TMEM132D: variants seen among roughly 807,000 people sequenced by gnomAD.
The protein encoded by TMEM132D is mature OL transmembrane protein.
In TMEM132D, 21 loss-of-function variants were observed where a neutral mutation model predicts 62.3. That is an observed-to-expected ratio of 0.34 (90% CI 0.24 to 0.49). The LOEUF is 0.49. Among genes scored for constraint, TMEM132D ranks in the 20% least tolerant of loss-of-function variants. The pLI is 0.99. For missense variants in TMEM132D, 1,346 were observed against 1,402.8 expected (o/e 0.96, Z 0.65); for synonymous variants, 621 against 575.6 (o/e 1.08, Z -1.13).
At chr12:129,714,917 G>T (rs570996916) in intron 1 of TMEM132D, among the ~76,000 whole-genome samples, 2 of 152,112 alleles carry the variant, frequency 1.3e-5, no homozygotes, top group Admixed American at 6.6e-5. Flanking sequence ...GACACAGAGC[G>T]CTGACTTTAT....
chr12:129,828,742 G>GGGAGGGAGGGAGGAAA, intron 1 of TMEM132D, among the ~76,000 whole-genome samples: 1 of 54,120 alleles, frequency 1.8e-5, no homozygotes, highest in Non-Finnish European at 3.8e-5. Context: ...GAGGAAAGGA[G>GGGAGGGAGGGAGGAAA]GGAGGGAGGG....
intron 3 of TMEM132D, among the ~76,000 whole-genome samples, chr12:129,461,342 G>A (rs1184452995): frequency 6.6e-6 from 1 of 152,156 alleles, no homozygotes; most frequent in African/African-American, 2.4e-5. Flanking sequence ...CTCAGGGGAT[G>A]CAGATGGCAA....
intron 1 of TMEM132D, among the ~76,000 whole-genome samples, chr12:129,846,585 T>C (rs2137348913): frequency 6.6e-6 from 1 of 152,302 alleles, no homozygotes; most frequent in South Asian, 2.1e-4. Flanking sequence ...AGGTGTGATT[T>C]CCTTTACGGC....
intron 3 of TMEM132D, among the ~76,000 whole-genome samples, chr12:129,377,780 C>G (rs1344577346): frequency 6.6e-6 from 1 of 152,144 alleles, no homozygotes; most frequent in Non-Finnish European, 1.5e-5. Flanking sequence ...CTGTGCAGAC[C>G]CACATGCTGT....
intron 4 of TMEM132D, among the ~76,000 whole-genome samples, chr12:129,315,649 C>A (rs140896774): frequency 0.011 from 1,708 of 152,216 alleles, 35 homozygotes; most frequent in African/African-American, 0.039. Flanking sequence ...TAGGGTGATG[C>A]TGGCTACATA....
At chr12:129,771,071 G>A (rs1486992545) in intron 1 of TMEM132D, among the ~76,000 whole-genome samples, 1 of 152,172 alleles carries the variant, frequency 6.6e-6, no homozygotes, top group Non-Finnish European at 1.5e-5. Flanking sequence ...GCAGAACAGA[G>A]GGTGCAGCCC....
Position 129,799,089 on chromosome 12 carries a change from A to AC in TMEM132D, c.80-98392dup, listed in dbSNP as rs546517484. Among the ~76,000 whole-genome samples the AC allele has an allele frequency of 7.1e-3, 1,086 of 152,102 alleles. 17 individuals are homozygous for AC. Among genetic ancestry groups the AC allele is most frequent in the African/African-American group, 0.025 (1,047 of 41,500 alleles). ...GACCAATCCTGTCCAACACAGTGAA[A>AC]CCCCGTCTCTACTAAATATACAAAA... On this transcript the variant is annotated intron_variant, in intron 1 of 8. Transcript: ENST00000422113.
At chr12:129,864,132 G>A (rs1350283434) in intron 1 of TMEM132D, among the ~76,000 whole-genome samples, 1 of 152,200 alleles carries the variant, frequency 6.6e-6, no homozygotes, top group East Asian at 1.9e-4. Flanking sequence ...GGGGAAGCCA[G>A]CGCCATCTTG....
intron 1 of TMEM132D, among the ~76,000 whole-genome samples, chr12:129,787,192 A>G (rs1214048752): frequency 6.6e-6 from 1 of 152,172 alleles, no homozygotes; most frequent in Non-Finnish European, 1.5e-5. Flanking sequence ...TCCTTCATTT[A>G]TTCTGTTTTG....
intron 3 of TMEM132D, among the ~76,000 whole-genome samples, chr12:129,358,183 G>C (rs563604907): frequency 6.6e-6 from 1 of 152,264 alleles, no homozygotes; most frequent in African/African-American, 2.4e-5. Context: ...AACTGGAAAG[G>C]TTGTAGCTTG....
At position 129,153,496 on chromosome 12, in the gene TMEM132D, G is replaced by A. The variant is rs1248791660; in HGVS notation, c.1443+56024C>T. 2.6e-5 allele frequency among the ~76,000 whole-genome samples: 4 copies of A among 152,122 alleles called. 1 individual carries two copies. The highest frequency in any genetic ancestry group is 7.2e-5 in the African/African-American group (3 of 41,428). On this transcript the variant is annotated intron_variant, in intron 5 of 8. Coordinates refer to ENST00000422113, the MANE Select transcript of TMEM132D (RefSeq NM_133448.3). ...ATGTCAGAACACTCCAGGCTGTGCC[G>A]TGAAGAATGGAAGGAGAGCAGTACA... is the stretch of plus-strand genomic sequence containing the variant.
At position 129,084,762 on chromosome 12, in the gene TMEM132D, C is replaced by T. The variant is rs764778228; in HGVS notation, c.1444-60G>A. 29 of 1,546,328 alleles carry T rather than the reference C, an allele frequency of 1.9e-5. No homozygotes were observed. The African/African-American group carries it at 3.4e-4, about 18-fold the overall frequency. On this transcript the variant is annotated intron_variant, in intron 5 of 8. Coordinates refer to ENST00000422113, the MANE Select transcript of TMEM132D (RefSeq NM_133448.3). ...GGTGAGCTTTCATCCCGTTGCATGG[C>T]CCAAGGAGGAGGAAAGGGAAGTGCC...
intron 1 of TMEM132D, among the ~76,000 whole-genome samples, chr12:129,798,074 C>T (rs537989994): frequency 3.3e-5 from 5 of 152,122 alleles, no homozygotes; most frequent in Admixed American, 3.3e-4. Context: ...CTCTCTCTCT[C>T]GATTGCACTC....
chr12:129,403,978 A>C (rs1301788030), intron 3 of TMEM132D, among the ~76,000 whole-genome samples: 1 of 152,124 alleles, frequency 6.6e-6, no homozygotes, highest in Admixed American at 6.6e-5. Context: ...GCCCGTGTGC[A>C]TGGAGAGAAA....
chr12:129,298,949 G>A (rs1330763024), intron 4 of TMEM132D, among the ~76,000 whole-genome samples: 1 of 152,214 alleles, frequency 6.6e-6, no homozygotes, highest in Admixed American at 6.5e-5. Flanking sequence ...TCACTGGCAA[G>A]GGCTTTTGCC....
intron 1 of TMEM132D, among the ~76,000 whole-genome samples, chr12:129,849,893 A>ACC: frequency 6.6e-6 from 1 of 152,310 alleles, no homozygotes; most frequent in Admixed American, 6.5e-5. Context: ...CCCTGAATAT[A>ACC]CCCAGGGGCT....
chr12:129,150,880 G>A (rs1877050771), intron 5 of TMEM132D, among the ~76,000 whole-genome samples: 1 of 152,306 alleles, frequency 6.6e-6, no homozygotes, highest in Admixed American at 6.5e-5. Flanking sequence ...GGGGTCCCTG[G>A]GCTCACCCTG....
chr12:129,138,584 G>T (rs1876651510), intron 5 of TMEM132D, among the ~76,000 whole-genome samples: 1 of 152,092 alleles, frequency 6.6e-6, no homozygotes, highest in Non-Finnish European at 1.5e-5. Context: ...AGCCGGGTGT[G>T]GTGGCAGGCA....
intron 5 of TMEM132D, among the ~76,000 whole-genome samples, chr12:129,188,186 G>A (rs1410038801): frequency 6.6e-6 from 1 of 152,162 alleles, no homozygotes; most frequent in Non-Finnish European, 1.5e-5. Flanking sequence ...ACTTGTGTCA[G>A]CCCTGAGACA....
Sources: gnomAD v4.1 joint callset for allele counts (sites outside exome capture counted in the v4.1 genomes callset) on GRCh38, gnomAD v4.1.1 for gene constraint, MANE v1.5 for transcripts, NCBI Gene and HGNC (gene_info 2026-07-23, HGNC 2026-07-21) for gene names.